OPCML: variants seen among roughly 807,000 people sequenced by gnomAD.
The protein encoded by OPCML is opioid-binding protein/cell adhesion molecule.
OPCML carries 13 observed loss-of-function variants against 37.8 expected under a neutral mutation model. That is an observed-to-expected ratio of 0.34 (90% CI 0.22 to 0.55). OPCML has a LOEUF of 0.55. OPCML is among the 20% of genes least tolerant of loss of function. The pLI is 0.91. For missense variants in OPCML, 341 were observed against 435.6 expected, an observed-to-expected ratio of 0.78 and a Z score of 1.93; for synonymous variants, 176 against 168.8, an observed-to-expected ratio of 1.04 and a Z score of -0.33.
intron 1 of OPCML, among the ~76,000 whole-genome samples, chr11:132,995,391 G>T (rs1428138155): frequency 6.6e-6 from 1 of 152,100 alleles, no homozygotes; most frequent in Non-Finnish European, 1.5e-5. Flanking sequence ...AAAAGAGGAT[G>T]TGGAAAGTTG....
intron 1 of OPCML, among the ~76,000 whole-genome samples, chr11:133,179,798 T>C (rs545738386): frequency 6.6e-6 from 1 of 152,182 alleles, no homozygotes; most frequent in African/African-American, 2.4e-5. Flanking sequence ...GCATTTCAAA[T>C]AGAAGAACAG....
At chr11:133,443,921 C>T (rs1946416968) in intron 1 of OPCML, among the ~76,000 whole-genome samples, 1 of 152,036 alleles carries the variant, frequency 6.6e-6, no homozygotes, top group African/African-American at 2.4e-5. Flanking sequence ...CCAATCTGGG[C>T]AACATAGACT....
At chr11:132,628,219 A>T (rs1939864249) in intron 3 of OPCML, among the ~76,000 whole-genome samples, 1 of 152,122 alleles carries the variant, frequency 6.6e-6, no homozygotes, top group African/African-American at 2.4e-5. Flanking sequence ...TGAACAGAGA[A>T]GGAGAGAGCC....
chr11:133,143,749 A>G (rs1483781974), intron 1 of OPCML, among the ~76,000 whole-genome samples: 1 of 152,314 alleles, frequency 6.6e-6, no homozygotes, highest in Non-Finnish European at 1.5e-5. Context: ...TAACCTCTCA[A>G]CTAGAAGCCA....
rs539602936 is a variant in OPCML, at chr11:133,433,924, CG to C, written c.61+98339del. 4.6e-5 allele frequency among the ~76,000 whole-genome samples: 7 copies of C among 152,088 alleles called. No homozygotes were observed. The South Asian group carries it at 1.2e-3, about 27-fold the overall frequency. ...ATCAGAAGCCATCCTAGGGCAGAAC[CG>C]GCTTCACCATAGCTTATCTTTCTGA... On this transcript the variant is annotated intron_variant, in intron 1 of 7. Transcript: ENST00000524381.
At chr11:133,442,703 T>C (rs906858229) in intron 1 of OPCML, among the ~76,000 whole-genome samples, 3 of 149,346 alleles carry the variant, frequency 2.0e-5, no homozygotes, top group Non-Finnish European at 3.0e-5. Flanking sequence ...TGAAAAACGA[T>C]TGCAAAAGCA....
chr11:133,194,948 C>T (rs7102837), intron 1 of OPCML, among the ~76,000 whole-genome samples: 19,743 of 152,210 alleles, frequency 0.13, 1,521 homozygotes, highest in Middle Eastern at 0.18. Flanking sequence ...AACTCCTTCA[C>T]GTAGCCTTTC....
intron 2 of OPCML, among the ~76,000 whole-genome samples, chr11:132,779,009 C>T (rs1946903658): frequency 9.7e-6 from 1 of 103,300 alleles, no homozygotes; most frequent in Non-Finnish European, 1.8e-5. Flanking sequence ...TCTCTGTAGT[C>T]TAGGCTGGAG....
chr11:133,175,591 T>G (rs1237222168), intron 1 of OPCML, among the ~76,000 whole-genome samples: 1 of 151,134 alleles, frequency 6.6e-6, no homozygotes, highest in Non-Finnish European at 1.5e-5. Flanking sequence ...ATTAGGAAAC[T>G]TGAAATTGAA....
chr11:132,592,114 G>A (rs2096485457), intron 3 of OPCML, among the ~76,000 whole-genome samples: 1 of 152,234 alleles, frequency 6.6e-6, no homozygotes, highest in South Asian at 2.1e-4. Context: ...GCTATACGAA[G>A]AGCAATATCA....
intron 1 of OPCML, among the ~76,000 whole-genome samples, chr11:133,309,743 G>A (rs941535966): frequency 1.3e-5 from 2 of 152,176 alleles, no homozygotes; most frequent in African/African-American, 4.8e-5. Flanking sequence ...CCAGAATAAA[G>A]GTTAAGCAAA....
At chr11:132,762,697 A>G (rs1946306181) in intron 2 of OPCML, among the ~76,000 whole-genome samples, 2 of 152,268 alleles carry the variant, frequency 1.3e-5, no homozygotes, top group South Asian at 2.1e-4. Context: ...TCAACTTCAG[A>G]CTACTGTGCT....
At chr11:132,922,821 C>T (rs758004425) in intron 2 of OPCML, among the ~76,000 whole-genome samples, 3 of 152,080 alleles carry the variant, frequency 2.0e-5, no homozygotes, top group Non-Finnish European at 4.4e-5. Flanking sequence ...GTCTGTAATC[C>T]CAGCACTTCG....
At chr11:133,133,451 C>T (rs1235637167) in intron 1 of OPCML, among the ~76,000 whole-genome samples, 1 of 152,184 alleles carries the variant, frequency 6.6e-6, no homozygotes, top group Non-Finnish European at 1.5e-5. Flanking sequence ...CTACCTCATG[C>T]AGCCCTTCCC....
intron 1 of OPCML, among the ~76,000 whole-genome samples, chr11:133,021,416 C>T (rs977508476): frequency 6.6e-6 from 1 of 151,992 alleles, no homozygotes; most frequent in Admixed American, 6.6e-5. Flanking sequence ...TTTCATAATC[C>T]AACTTTTCTG....
At chr11:132,833,468 G>T (rs1188202755) in intron 2 of OPCML, among the ~76,000 whole-genome samples, 1 of 152,176 alleles carries the variant, frequency 6.6e-6, no homozygotes, top group Non-Finnish European at 1.5e-5. Flanking sequence ...CCTCCTGAAG[G>T]CCCTGCCTGA....
chr11:132,726,700 G>A (rs192751654), intron 2 of OPCML, among the ~76,000 whole-genome samples: 5 of 152,140 alleles, frequency 3.3e-5, no homozygotes, highest in East Asian at 1.9e-4. Flanking sequence ...AAAACCAACC[G>A]CCATGGTCCA....
At chr11:132,649,988 C>T (rs1340725569) in intron 3 of OPCML, among the ~76,000 whole-genome samples, 2 of 152,038 alleles carry the variant, frequency 1.3e-5, no homozygotes, top group African/African-American at 4.8e-5. Context: ...GTCACATGCA[C>T]ACACTCACAC....
chr11:132,996,963 G>A (rs557507006), intron 1 of OPCML, among the ~76,000 whole-genome samples: 4 of 152,214 alleles, frequency 2.6e-5, no homozygotes, highest in East Asian at 1.9e-4. Flanking sequence ...TTCCTGGTGC[G>A]GCCTCTGCCG....
Sources: allele counts gnomAD v4.1 joint callset (sites outside exome capture counted in the v4.1 genomes callset), GRCh38; gene constraint gnomAD v4.1.1; transcripts MANE v1.5; gene names NCBI Gene and HGNC (gene_info 2026-07-23, HGNC 2026-07-21).